ARHGAP8: variants seen among roughly 807,000 people sequenced by gnomAD.
The protein encoded by ARHGAP8 is Rho GTPase activating protein 8, also known as rho GTPase-activating protein 8.
Under a neutral mutation model 46.1 loss-of-function variants are expected in ARHGAP8, and 62 were observed. The observed-to-expected ratio is 1.34, with a 90% confidence interval of 1.10 to 1.66. ARHGAP8 has a LOEUF of 1.66. ARHGAP8 is among the 40% of genes most tolerant of loss of function. The pLI is 0.00. For synonymous variants in ARHGAP8, 375 were observed against 243.1 expected (o/e 1.54, Z -5.05); for missense variants, 923 against 568.4 (o/e 1.62, Z -6.34).
At chr22:44,813,699 G>A (rs935186357) in intron 4 of ARHGAP8, among the ~76,000 whole-genome samples, 2 of 148,234 alleles carry the variant, frequency 1.3e-5, no homozygotes, top group African/African-American at 2.5e-5. Context: ...CTACACATAT[G>A]TAGGTACACC....
chr22:44,789,742 C>T (rs549261837), intron 2 of ARHGAP8, among the ~76,000 whole-genome samples: 17 of 152,206 alleles, frequency 1.1e-4, no homozygotes, highest in African/African-American at 3.1e-4. Flanking sequence ...CTGAAGCAAT[C>T]GGCCTGTCTT....
At chr22:44,772,794 A>G (rs970304608) in intron 1 of ARHGAP8, among the ~76,000 whole-genome samples, 2 of 109,046 alleles carry the variant, frequency 1.8e-5, no homozygotes, top group Non-Finnish European at 4.0e-5. Context: ...CTTTGAATTT[A>G]TTTTCTCTCT....
chr22:44,844,424 A>C (rs1260197675), intron 7 of ARHGAP8, among the ~76,000 whole-genome samples: 4 of 152,208 alleles, frequency 2.6e-5, no homozygotes, highest in Non-Finnish European at 5.9e-5. Flanking sequence ...TGGCCTAAAC[A>C]TTCCAATTAA....
intron 1 of ARHGAP8, among the ~76,000 whole-genome samples, chr22:44,769,768 G>A (rs1202026033): frequency 6.6e-6 from 1 of 152,184 alleles, no homozygotes; most frequent in Non-Finnish European, 1.5e-5. Context: ...CCAATTCATT[G>A]AGACCGCAGG....
intron 10 of ARHGAP8, among the ~76,000 whole-genome samples, chr22:44,855,099 T>C (rs1176281381): frequency 1.3e-5 from 2 of 152,222 alleles, no homozygotes; most frequent in African/African-American, 4.8e-5. Flanking sequence ...TCTAAGCCAA[T>C]TTGAATAGAA....
At chr22:44,780,883 G>A (rs1211824904) in intron 1 of ARHGAP8, among the ~76,000 whole-genome samples, 2 of 152,154 alleles carry the variant, frequency 1.3e-5, no homozygotes, top group Non-Finnish European at 2.9e-5. Flanking sequence ...TACCCTATAA[G>A]GTGCTAGGTT....
chr22:44,770,003 T>C (rs987819417), intron 1 of ARHGAP8, among the ~76,000 whole-genome samples: 3 of 152,136 alleles, frequency 2.0e-5, no homozygotes, highest in Non-Finnish European at 4.4e-5. Flanking sequence ...GCCAGCACTT[T>C]GGGAGGCCGA....
chr22:44,767,490 C>G, intron 1 of ARHGAP8, among the ~76,000 whole-genome samples: 1 of 152,152 alleles, frequency 6.6e-6, no homozygotes, highest in Non-Finnish European at 1.5e-5. Flanking sequence ...CCAGCAATTC[C>G]TTAATGTGAT....
At chr22:44,832,455 A>C (rs1425415923) in intron 7 of ARHGAP8, among the ~76,000 whole-genome samples, 1 of 151,690 alleles carries the variant, frequency 6.6e-6, no homozygotes, top group Non-Finnish European at 1.5e-5. Flanking sequence ...CAAACTCCTG[A>C]CCTCTGGTGA....
chr22:44,851,656 TAGTG>T (rs574352842), intron 10 of ARHGAP8, among the ~76,000 whole-genome samples: 84 of 151,988 alleles, frequency 5.5e-4, no homozygotes, highest in Non-Finnish European at 1.0e-3. Context: ...CTGGGAAACA[TAGTG>T]AGACCCCATC....
chr22:44,786,306 C>G (rs112404273), intron 1 of ARHGAP8, 151 bp from the exon 2 acceptor site: 2 of 1,199,758 alleles, frequency 1.7e-6, no homozygotes, highest in Non-Finnish European at 2.3e-6. Context: ...TCGGCTGAGG[C>G]AGGGCGCGTA....
intron 1 of ARHGAP8, among the ~76,000 whole-genome samples, chr22:44,760,574 C>T (rs1925055726): frequency 6.6e-6 from 1 of 152,218 alleles, no homozygotes; most frequent in African/African-American, 2.4e-5. Context: ...CCTCTGTATG[C>T]CCTGCACATC....
intron 3 of ARHGAP8, among the ~76,000 whole-genome samples, chr22:44,807,122 C>T (rs533107601): frequency 6.6e-6 from 1 of 152,270 alleles, no homozygotes; most frequent in South Asian, 2.1e-4. Context: ...GAGCACCCCA[C>T]CCACAGCCTC....
At chr22:44,825,772 T>TG (rs545189722) in intron 7 of ARHGAP8, among the ~76,000 whole-genome samples, 179 bp downstream of exon 7, 2,532 of 138,474 alleles carry the variant, frequency 0.018, 38 homozygotes, top group Non-Finnish European at 0.028. Flanking sequence ...AGTGCCTGGT[T>TG]GGGGGGGCGC....
intron 1 of ARHGAP8, among the ~76,000 whole-genome samples, chr22:44,777,929 C>G (rs1339806629): frequency 6.6e-6 from 1 of 152,134 alleles, no homozygotes; most frequent in Non-Finnish European, 1.5e-5. Context: ...CTCCTGACCT[C>G]AGGTGATCCA....
At chr22:44,809,058 C>T (rs1354849343) in intron 4 of ARHGAP8, 6 of 465,286 alleles carry the variant, frequency 1.3e-5, no homozygotes, top group South Asian at 4.7e-5. Context: ...CAAGCTCAAG[C>T]GATCCTCCCA....
At chr22:44,858,739 G>A (rs1386150508) in intron 10 of ARHGAP8, among the ~76,000 whole-genome samples, 1 of 132,296 alleles carries the variant, frequency 7.6e-6, no homozygotes, top group African/African-American at 2.6e-5. Flanking sequence ...GTAACTGGGG[G>A]GTCTCAGAGT....
intron 10 of ARHGAP8, among the ~76,000 whole-genome samples, chr22:44,857,979 G>C (rs995999213): frequency 2.0e-5 from 3 of 152,074 alleles, no homozygotes; most frequent in Non-Finnish European, 2.9e-5. Context: ...GTACCCACTT[G>C]GGACCATAAT....
intron 2 of ARHGAP8, among the ~76,000 whole-genome samples, chr22:44,796,114 C>A (rs1275232274): frequency 6.6e-6 from 1 of 152,192 alleles, no homozygotes. Flanking sequence ...TCCCAGTAGC[C>A]CAGGGAAGCA....
Sources: gnomAD v4.1 joint callset for allele counts (sites outside exome capture counted in the v4.1 genomes callset) on GRCh38, gnomAD v4.1.1 for gene constraint, MANE v1.5 for transcripts, NCBI Gene and HGNC (gene_info 2026-07-23, HGNC 2026-07-21) for gene names.